Variants in PDXK observed in about 807,000 individuals in gnomAD.
PDXK encodes epididymis secretory sperm binding protein Li 1a.
A neutral mutation model predicts 43.2 loss-of-function variants in PDXK; 15 were observed. The observed-to-expected ratio is 0.35, with a 90% CI of 0.23 to 0.53. The LOEUF is 0.53. Among genes scored for constraint, PDXK ranks in the 20% least tolerant of loss-of-function variants. The pLI is 0.92. For missense variants in PDXK, 343 were observed against 417.0 expected, an observed-to-expected ratio of 0.82 and a Z score of 1.54; for synonymous variants, 172 against 165.4, an observed-to-expected ratio of 1.04 and a Z score of -0.31.
rs532604318 is a variant in PDXK, at chr21:43,750,793, T to TGG, written c.510+249_510+250dup. Among the ~76,000 whole-genome samples the TGG allele has an allele frequency of 2.0e-3, 293 of 149,940 alleles. 2 individuals carry two copies. The highest frequency in any genetic ancestry group is 6.7e-3 in the African/African-American group (273 of 40,570). ...CGCGTATTGTGTGTGGGTGTGTGTG[T>TGG]GGATGTGTGCGTGTGTGCGCGCACC... On this transcript the variant is annotated intron_variant, in intron 7 of 10. Coordinates refer to ENST00000291565, the MANE Select transcript of PDXK (RefSeq NM_003681.5).
intron 10 of PDXK, 58 bp downstream of exon 10, chr21:43,755,822 GAGA>G: frequency 6.5e-7 from 1 of 1,528,086 alleles, no homozygotes; most frequent in African/African-American, 1.4e-5. Context: ...GTGGGTGGGA[GAGA>G]AGAGCTGGCA....
intron 1 of PDXK, among the ~76,000 whole-genome samples, chr21:43,722,119 C>T (rs966051137): frequency 6.6e-5 from 10 of 152,314 alleles, no homozygotes; most frequent in Admixed American, 4.6e-4. Context: ...ATGGGATGCA[C>T]CCTGGGGTGG....
Position 43,753,567 on chromosome 21 carries a change from C to T in PDXK, c.623-16C>T, listed in dbSNP as rs752826014. The T allele has an allele frequency of 1.9e-6, 3 of 1,602,572 alleles. No homozygotes were observed. Among genetic ancestry groups the T allele is most frequent in the Non-Finnish European group, 2.6e-6 (3 of 1,172,352 alleles). ...AGCGGCAGATCTCAGTGACCTTGCC[C>T]ATCTTCTCCCCCTAGGGAATCCCGC... On this transcript the variant is annotated splice_polypyrimidine_tract_variant and intron_variant, in intron 8 of 10. Coordinates refer to ENST00000291565, the MANE Select transcript of PDXK (RefSeq NM_003681.5).
chr21:43,749,960 C>G (rs778878259), intron 6 of PDXK, among the ~76,000 whole-genome samples: 3 of 152,112 alleles, frequency 2.0e-5, no homozygotes, highest in Non-Finnish European at 4.4e-5. Context: ...TGGAGCTGCC[C>G]GCGGAGGGGG....
At position 43,723,720 on chromosome 21, in the gene PDXK, G is replaced by A. The variant is rs187396677; in HGVS notation, c.87+4339G>A. The A allele has an allele frequency of 8.3e-4, 126 of 152,412 alleles. No individual in the cohort carries two copies. In the East Asian group the frequency reaches 0.019, roughly 23 times the overall value. 9.4% of individuals were successfully genotyped at this position (152,412 alleles called of 1,614,324 possible). A position where few individuals can be genotyped will look rare whatever the true frequency, so the allele number is the denominator to read the frequency against. ...TCTGAGGCCAGTAGCTGCCCTGTGG[G>A]GAGAGGCAAGCCTGTCCTGTCACTG... On this transcript the variant is annotated intron_variant, in intron 1 of 10. Transcript: ENST00000291565. The surrounding 1 kb of genome is among the most constrained non-coding windows in gnomAD (Gnocchi z 4.1).
intron 3 of PDXK, among the ~76,000 whole-genome samples, chr21:43,742,127 C>G (rs1157218326): frequency 6.6e-6 from 1 of 152,108 alleles, no homozygotes; most frequent in East Asian, 1.9e-4. Flanking sequence ...TGGTACACTG[C>G]CATCCTTTGT....
Position 43,758,166 on chromosome 21 carries a change from C to T in PDXK, c.*2103C>T, listed in dbSNP as rs538280315. On this transcript the variant is annotated 3_prime_UTR_variant, in exon 11 of 11. Transcript: ENST00000291565. ...GTGCCCTGGCGAGCAAGCTTTGATT[C>T]TTGGTTCTTTGAGCTCGTTTCAGAG... 5.9e-5 allele frequency: 9 copies of T among 153,794 alleles called. No individual in the cohort carries two copies. In the South Asian group the frequency reaches 1.9e-3, roughly 32 times the overall value. The allele number at this position is 153,794 out of a possible 1,614,324, so 9.5% of individuals were successfully genotyped here.
At position 43,733,733 on chromosome 21, in the gene PDXK, A is replaced by G. The variant is rs923324323; in HGVS notation, c.88-336A>G. 5 of 987,098 alleles carry G rather than the reference A, an allele frequency of 5.1e-6. No homozygotes were observed. In the East Asian group the frequency reaches 1.4e-4, roughly 28 times the overall value. 61.1% of individuals were successfully genotyped at this position (987,098 alleles called of 1,614,324 possible). A position where few individuals can be genotyped will look rare whatever the true frequency, so the allele number is the denominator to read the frequency against. ...TATTGCCTTCGTTTTATTGTTTGTT[A>G]GTCTTATTGAGTGCTTTCGCTGGGT... On this transcript the variant is annotated intron_variant, in intron 1 of 10. Coordinates refer to ENST00000291565, the MANE Select transcript of PDXK (RefSeq NM_003681.5).
chr21:43,729,841 G>A (rs2083295396), intron 1 of PDXK, among the ~76,000 whole-genome samples: 1 of 152,094 alleles, frequency 6.6e-6, no homozygotes, highest in Non-Finnish European at 1.5e-5. Context: ...CTACTCAGGA[G>A]GCTAAGGCAG....
At chr21:43,743,536 G>T in intron 3 of PDXK, 188 bp from the exon 4 acceptor site, 1 of 493,990 alleles carries the variant, frequency 2.0e-6, no homozygotes, top group South Asian at 2.0e-5. Context: ...GAGCACTGTG[G>T]GGACACCTCG....
rs533186934 is a variant in PDXK at position 43,722,949 on chromosome 21, T to C, written c.87+3568T>C. On this transcript the variant is annotated intron_variant, in intron 1 of 10. Coordinates refer to ENST00000291565, the MANE Select transcript of PDXK (RefSeq NM_003681.5). ...GCCTCCCGGGTTCATGCCATTCTCCTGCCTTAGCCTCCTGAGTAGCTGGGA... is the reference window on the plus strand; with the variant it reads ...GCCTCCCGGGTTCATGCCATTCTCCCGCCTTAGCCTCCTGAGTAGCTGGGA... 2.4e-3 allele frequency among the ~76,000 whole-genome samples: 366 copies of C among 152,300 alleles called. 1 individual carries two copies. Among genetic ancestry groups the C allele is most frequent in the Non-Finnish European group, 4.0e-3 (272 of 68,012 alleles).
rs187696739 is a variant in PDXK, at chr21:43,748,896, C to T, written c.379-99C>T. On this transcript the variant is annotated intron_variant, in intron 5 of 10. Coordinates refer to ENST00000291565, the MANE Select transcript of PDXK (RefSeq NM_003681.5). ...GCCCCTGAGCCTGGACTTCAGGGGG[C>T]TTTTGGGGGAGCACTCCGTGGTGGG... is the stretch of plus-strand genomic sequence containing the variant. 2,332 of 727,864 alleles carry T rather than the reference C, an allele frequency of 3.2e-3. 6 individuals carry two copies. The highest frequency in any genetic ancestry group is 4.7e-3 in the Non-Finnish European group (1,969 of 416,052). The allele number at this position is 727,864 out of a possible 1,614,324, so 45.1% of individuals were successfully genotyped here.
rs1350277764 is a variant in PDXK at position 43,758,965 on chromosome 21, T to C, written c.*2902T>C. ...CAGCATGATGCTTTGTTTAATGTCC[T>C]GTTCTTAAGCTCGTTAGAGCCAGTT... On this transcript the variant is annotated 3_prime_UTR_variant, in exon 11 of 11. Coordinates refer to ENST00000291565, the MANE Select transcript of PDXK (RefSeq NM_003681.5). 2 of 152,270 alleles carry C rather than the reference T, an allele frequency of 1.3e-5. No individual in the cohort carries two copies. Among genetic ancestry groups the C allele is most frequent in the Non-Finnish European group, 2.9e-5 (2 of 68,052 alleles). 9.4% of individuals were successfully genotyped at this position (152,270 alleles called of 1,614,324 possible). A position where few individuals can be genotyped will look rare whatever the true frequency, so the allele number is the denominator to read the frequency against.
In PDXK at chr21:43,734,483, A is replaced by G. The variant is rs1488256751; in HGVS notation, c.142+360A>G. 1.3e-5 allele frequency among the ~76,000 whole-genome samples: 2 copies of G among 152,154 alleles called. No homozygotes were observed. Among genetic ancestry groups the G allele is most frequent in the Non-Finnish European group, 2.9e-5 (2 of 68,022 alleles). ...GAGTTGATTACGTCACTTGCATAAAATGCTTGGACCAATGCCTGGCTCAGA... is the reference window on the plus strand; with the variant it reads ...GAGTTGATTACGTCACTTGCATAAAGTGCTTGGACCAATGCCTGGCTCAGA... On this transcript the variant is annotated intron_variant, in intron 2 of 10. Transcript: ENST00000291565. The surrounding 1 kb of genome is among the most constrained non-coding windows in gnomAD (Gnocchi z 5.0).
At chr21:43,752,342 G>C (rs892932841) in intron 7 of PDXK, among the ~76,000 whole-genome samples, 176 bp from the exon 8 acceptor site, 1 of 152,232 alleles carries the variant, frequency 6.6e-6, no homozygotes, top group African/African-American at 2.4e-5. Flanking sequence ...TGACCAGGTG[G>C]CTGTCTTCCC....
At position 43,756,191 on chromosome 21, in the gene PDXK, C is replaced by A; in HGVS notation, c.*128C>A. The stretch of plus-strand genomic sequence containing the variant: ...ATTTTTTTCTTTCATGAGTGTCCGG[C>A]ATCTGCTGGTCTTCATTGTGAAACG... On this transcript the variant is annotated 3_prime_UTR_variant, in exon 11 of 11. Coordinates refer to ENST00000291565, the MANE Select transcript of PDXK (RefSeq NM_003681.5). 2 of 594,940 alleles carry A rather than the reference C, an allele frequency of 3.4e-6. No homozygotes were observed. Among genetic ancestry groups the A allele is most frequent in the Admixed American group, 5.7e-5 (2 of 35,390 alleles). The allele number at this position is 594,940 out of a possible 1,614,324, so 36.9% of individuals were successfully genotyped here. A position where few individuals can be genotyped will look rare whatever the true frequency, so the allele number is the denominator to read the frequency against.
chr21:43,747,309 G>A (rs1017051747), intron 5 of PDXK: 1 of 152,288 alleles, frequency 6.6e-6, no homozygotes, highest in African/African-American at 2.4e-5. Flanking sequence ...CTGCCTGTGG[G>A]TTTTTAACTC....
intron 2 of PDXK, among the ~76,000 whole-genome samples, chr21:43,739,942 C>A (rs2083465494): frequency 6.6e-6 from 1 of 151,808 alleles, no homozygotes; most frequent in Admixed American, 6.6e-5. Context: ...TCAGGACACA[C>A]CCTCCACCGG....
At chr21:43,752,092 A>G (rs2083760052) in intron 7 of PDXK, among the ~76,000 whole-genome samples, 1 of 144,674 alleles carries the variant, frequency 6.9e-6, no homozygotes, top group African/African-American at 2.7e-5. Context: ...CTGGGTGGCG[A>G]TGCAGCACAT....
Sources: gnomAD v4.1 joint callset for allele counts (sites outside exome capture counted in the v4.1 genomes callset) on GRCh38, gnomAD v4.1.1 for gene constraint, Gnocchi (gnomAD v3.1) non-coding constraint, MANE v1.5 for transcripts, NCBI Gene and HGNC (gene_info 2026-07-23, HGNC 2026-07-21) for gene names.